The following ATF7IP2 variants were observed in gnomAD, a reference collection of about 807,000 sequenced individuals.
The protein encoded by ATF7IP2 is activating transcription factor 7-interacting protein 2.
ATF7IP2 carries 42 observed loss-of-function variants against 64.2 expected under a neutral mutation model. The ratio of observed to expected loss-of-function variants is 0.65; its 90% CI spans 0.51 to 0.85. The LOEUF (loss-of-function observed/expected upper bound fraction) is 0.85. Ranked by LOEUF, ATF7IP2 falls within the 40% of genes least tolerant of loss-of-function variation. The pLI, the probability that ATF7IP2 is intolerant of heterozygous loss-of-function variation, is 0.00. For missense variants in ATF7IP2, 933 were observed against 784.2 expected (o/e 1.19, Z -2.27); for synonymous variants, 308 against 272.8 (o/e 1.13, Z -1.27).
chr16:10,472,236 A>G, intron 10 of ATF7IP2, 53 bp downstream of exon 10: 1 of 895,814 alleles, frequency 1.1e-6, no homozygotes, highest in East Asian at 2.7e-5. Flanking sequence ...GCCTTAAATC[A>G]ATGTTTGCTT....
At chr16:10,410,388 C>T (rs1405418580) in intron 1 of ATF7IP2, among the ~76,000 whole-genome samples, 1 of 151,736 alleles carries the variant, frequency 6.6e-6, no homozygotes, top group Non-Finnish European at 1.5e-5. Flanking sequence ...TGTTTTCCCC[C>T]AGCTATTGTA....
chr16:10,389,949 G>A (rs903876716), intron 1 of ATF7IP2, among the ~76,000 whole-genome samples: 5 of 152,170 alleles, frequency 3.3e-5, no homozygotes, highest in Admixed American at 2.0e-4. Flanking sequence ...CATAATAACT[G>A]TTTTGTGTTT....
At chr16:10,450,456 T>C (rs567854727) in intron 8 of ATF7IP2, among the ~76,000 whole-genome samples, 2 of 152,212 alleles carry the variant, frequency 1.3e-5, no homozygotes, top group Non-Finnish European at 2.9e-5. Context: ...GTCTTAAGTC[T>C]CTTTGTAGGT....
chr16:10,457,138 C>T (rs1206331012), intron 8 of ATF7IP2, among the ~76,000 whole-genome samples: 1 of 152,182 alleles, frequency 6.6e-6, no homozygotes, highest in East Asian at 1.9e-4. Flanking sequence ...GTTTTTCCTT[C>T]TTTCCATCCA....
chr16:10,428,183 A>G (rs1212317116), intron 3 of ATF7IP2, among the ~76,000 whole-genome samples: 2 of 152,224 alleles, frequency 1.3e-5, no homozygotes, highest in Non-Finnish European at 2.9e-5. Context: ...GTTTGGAGAA[A>G]CATAAGTAAA....
intron 8 of ATF7IP2, 104 bp from the exon 9 acceptor site, chr16:10,457,267 GT>G: frequency 1.1e-6 from 1 of 927,068 alleles, no homozygotes; most frequent in Admixed American, 2.8e-5. Flanking sequence ...TTTAACTTAT[GT>G]TTTGCCATAT....
At chr16:10,386,644 C>G (rs1370796767) in intron 1 of ATF7IP2, 1 of 152,168 alleles carries the variant, frequency 6.6e-6, no homozygotes, top group Admixed American at 6.5e-5. Context: ...ACCAGAGCAT[C>G]AGGAAAAATA....
chr16:10,420,509 C>G (rs973375469), intron 3 of ATF7IP2, among the ~76,000 whole-genome samples: 7 of 152,182 alleles, frequency 4.6e-5, no homozygotes, highest in African/African-American at 1.7e-4. Context: ...GCGTTTGAGA[C>G]CAGAGGCATT....
chr16:10,400,075 C>G (rs942086245), intron 1 of ATF7IP2, among the ~76,000 whole-genome samples: 1 of 152,104 alleles, frequency 6.6e-6, no homozygotes, highest in African/African-American at 2.4e-5. Context: ...GAGTCTTACT[C>G]TGTCAGCCAG....
At chr16:10,432,572 A>T (rs1246373190) in intron 5 of ATF7IP2, among the ~76,000 whole-genome samples, 1 of 152,030 alleles carries the variant, frequency 6.6e-6, no homozygotes, top group Non-Finnish European at 1.5e-5. Flanking sequence ...CCTGTCTCTT[A>T]AAGAAAAAAA....
chr16:10,417,576 C>A lies in ATF7IP2; in HGVS notation c.-202-2005C>A, dbSNP rs112303902. On this transcript the variant is annotated intron_variant, in intron 2 of 13. Transcript: ENST00000562102. ...CACTGAACACTGGGCCACCCAGATT[C>A]ATTAAATATTACTATAGTTAAAGAA... 4.8e-3 allele frequency among the ~76,000 whole-genome samples: 736 copies of A among 152,170 alleles called. 3 individuals carry two copies. Among genetic ancestry groups the A allele is most frequent in the African/African-American group, 0.017 (703 of 41,500 alleles).
At chr16:10,432,752 A>G (rs2048298833) in intron 5 of ATF7IP2, among the ~76,000 whole-genome samples, 1 of 152,120 alleles carries the variant, frequency 6.6e-6, no homozygotes, top group African/African-American at 2.4e-5. Flanking sequence ...GGCACCTATT[A>G]TTATTATCGC....
intron 3 of ATF7IP2, among the ~76,000 whole-genome samples, chr16:10,420,095 G>T (rs1218699078): frequency 6.6e-6 from 1 of 152,198 alleles, no homozygotes; most frequent in Non-Finnish European, 1.5e-5. Context: ...ACAATGGGTT[G>T]TCCTTGAGAA....
intron 9 of ATF7IP2, among the ~76,000 whole-genome samples, chr16:10,459,017 C>T (rs999103275): frequency 1.2e-4 from 15 of 128,370 alleles, no homozygotes; most frequent in African/African-American, 4.3e-4. Context: ...AAAACTCCAT[C>T]TCTACTAAAA....
At chr16:10,393,700 A>G (rs1377313377) in intron 1 of ATF7IP2, among the ~76,000 whole-genome samples, 1 of 152,068 alleles carries the variant, frequency 6.6e-6, no homozygotes, top group African/African-American at 2.4e-5. Context: ...TCAATTTCTG[A>G]TAGGTTTTTT....
At chr16:10,480,630 A>C (rs975940743) in intron 12 of ATF7IP2, among the ~76,000 whole-genome samples, 85 of 144,906 alleles carry the variant, frequency 5.9e-4, no homozygotes, top group Admixed American at 1.4e-3. Flanking sequence ...CCATGTGTAA[A>C]CCTATCTAGT....
At chr16:10,473,777 C>T (rs1450014141) in intron 11 of ATF7IP2, 146 bp from the exon 12 acceptor site, 3 of 631,848 alleles carry the variant, frequency 4.7e-6, no homozygotes, top group Non-Finnish European at 8.2e-6. Flanking sequence ...AGAGTTAAAC[C>T]ACAAGAGACT....
At chr16:10,479,272 C>A (rs1176526880) in intron 12 of ATF7IP2, among the ~76,000 whole-genome samples, 1 of 150,690 alleles carries the variant, frequency 6.6e-6, no homozygotes, top group Non-Finnish European at 1.5e-5. Context: ...CAATGATAGA[C>A]TGGATTAAGA....
At chr16:10,398,396 A>G (rs200061133) in intron 1 of ATF7IP2, among the ~76,000 whole-genome samples, 1 of 152,218 alleles carries the variant, frequency 6.6e-6, no homozygotes, top group South Asian at 2.1e-4. Flanking sequence ...ATGAATTAGT[A>G]TAGCCATTAT....
Sources: allele counts gnomAD v4.1 joint callset (sites outside exome capture counted in the v4.1 genomes callset), GRCh38; gene constraint gnomAD v4.1.1; transcripts MANE v1.5; gene names NCBI Gene and HGNC (gene_info 2026-07-23, HGNC 2026-07-21).